Variants in COL25A1 observed in about 807,000 individuals in gnomAD.
The protein encoded by COL25A1 is collagen alpha-1(XXV) chain.
A neutral mutation model predicts 128.4 loss-of-function variants in COL25A1; 103 were observed. That is an observed-to-expected ratio of 0.80 (90% CI 0.68 to 0.94). The LOEUF is 0.94. Ranked by LOEUF, COL25A1 falls within the 40% of genes least tolerant of loss-of-function variation. The probability of loss-of-function intolerance (pLI) is 0.00; values close to 1 mark genes in which losing one functional copy is unlikely to be tolerated. For synonymous variants in COL25A1, 279 were observed against 277.2 expected (o/e 1.01, Z -0.06); for missense variants, 745 against 840.0 (o/e 0.89, Z 1.40).
chr4:108,950,276 A>G (rs1749256313), intron 8 of COL25A1, among the ~76,000 whole-genome samples: 2 of 152,198 alleles, frequency 1.3e-5, no homozygotes, highest in Admixed American at 1.3e-4. Flanking sequence ...AGTCTCTGAG[A>G]GCAAAGAGGG....
At chr4:108,843,833 T>C (rs1734750294) in intron 30 of COL25A1, among the ~76,000 whole-genome samples, 1 of 152,120 alleles carries the variant, frequency 6.6e-6, no homozygotes, top group African/African-American at 2.4e-5. Context: ...GAACATTTCA[T>C]TAAAGAGTTC....
chr4:109,051,423 T>C (rs1051621155), intron 3 of COL25A1, among the ~76,000 whole-genome samples: 2 of 152,148 alleles, frequency 1.3e-5, no homozygotes, highest in African/African-American at 2.4e-5. Flanking sequence ...ATAAGCTTTG[T>C]AGCAAAGTCC....
intron 3 of COL25A1, among the ~76,000 whole-genome samples, chr4:109,239,420 A>ATATATATATATT (rs1553965400): frequency 8.0e-6 from 1 of 124,362 alleles, no homozygotes; most frequent in African/African-American, 2.9e-5. Flanking sequence ...ATATATATAT[A>ATATATATATATT]TATTTATTTA....
At chr4:109,255,098 C>T (rs1032266310) in intron 3 of COL25A1, among the ~76,000 whole-genome samples, 17 of 152,178 alleles carry the variant, frequency 1.1e-4, no homozygotes, top group Non-Finnish European at 2.1e-4. Context: ...ATAAGTATTC[C>T]GTTTGGGTGG....
Position 109,301,841 on chromosome 4 carries a change from T to A in COL25A1, c.179A>T (p.Gln60Leu). 1 of 1,614,216 alleles carries A rather than the reference T, an allele frequency of 6.2e-7. No homozygotes were observed. Among genetic ancestry groups the A allele is most frequent in the Non-Finnish European group, 8.5e-7 (1 of 1,180,040 alleles). ...LYLGVKTNDL[Q>L]ARIAALESAK... ...GGATTCGAGAGCGGCGATCCTCGCC[T>A]GGAGGTCGTTGGTTTTCACACCCAG... The change falls in exon 2 of 38, where the codon CAG becomes CTG. Residue 60 changes from glutamine to leucine, a missense_variant. By Grantham distance (113) the Gln-to-Leu change is moderately radical. Coordinates refer to ENST00000399132, the MANE Select transcript of COL25A1 (RefSeq NM_198721.4).
At chr4:109,107,747 C>T (rs1479592664) in intron 3 of COL25A1, among the ~76,000 whole-genome samples, 1 of 151,804 alleles carries the variant, frequency 6.6e-6, no homozygotes, top group Non-Finnish European at 1.5e-5. Context: ...AATACCAGAA[C>T]TGATAGCCTT....
intron 3 of COL25A1, among the ~76,000 whole-genome samples, chr4:109,089,613 A>T (rs919593535): frequency 4.0e-5 from 6 of 150,336 alleles, no homozygotes; most frequent in Admixed American, 2.0e-4. Flanking sequence ...TTTTAAAAAT[A>T]TTTTTTTTTT....
chr4:109,066,110 C>T (rs1762426842), intron 3 of COL25A1, among the ~76,000 whole-genome samples: 1 of 152,104 alleles, frequency 6.6e-6, no homozygotes, highest in Admixed American at 6.5e-5. Flanking sequence ...AAATAGACTG[C>T]AATCTAGAAT....
chr4:109,040,910 G>A (rs1219169022), intron 5 of COL25A1, among the ~76,000 whole-genome samples: 1 of 151,852 alleles, frequency 6.6e-6, no homozygotes, highest in Non-Finnish European at 1.5e-5. Flanking sequence ...AAGTATCCTG[G>A]GGAGAGAAAG....
At chr4:109,019,474 T>G (rs1757530839) in intron 5 of COL25A1, among the ~76,000 whole-genome samples, 1 of 150,678 alleles carries the variant, frequency 6.6e-6, no homozygotes, top group Non-Finnish European at 1.5e-5. Flanking sequence ...GAAAAAAAGT[T>G]TAATCAGCTC....
chr4:108,814,539 T>G (rs1160697863), intron 37 of COL25A1, among the ~76,000 whole-genome samples: 4 of 149,226 alleles, frequency 2.7e-5, no homozygotes, highest in African/African-American at 1.0e-4. Context: ...GATTTCTGGT[T>G]TCTCACCAGA....
At chr4:109,266,229 T>C (rs1216773604) in intron 3 of COL25A1, among the ~76,000 whole-genome samples, 2 of 152,148 alleles carry the variant, frequency 1.3e-5, no homozygotes, top group Non-Finnish European at 2.9e-5. Flanking sequence ...AGATAATACA[T>C]GAAAAAGATG....
At chr4:109,226,147 A>G (rs1778790942) in intron 3 of COL25A1, among the ~76,000 whole-genome samples, 1 of 152,016 alleles carries the variant, frequency 6.6e-6, no homozygotes, top group Non-Finnish European at 1.5e-5. Flanking sequence ...CAAAAACCAC[A>G]TTTTTCACTT....
chr4:108,940,684 A>G (rs752016758), intron 9 of COL25A1, 38 bp from the exon 10 acceptor site: 12 of 1,343,680 alleles, frequency 8.9e-6, no homozygotes, highest in African/African-American at 1.5e-5. Flanking sequence ...AATAACCATG[A>G]AAGATAAAGA....
chr4:109,213,273 T>A (rs769184738), intron 3 of COL25A1, among the ~76,000 whole-genome samples: 2 of 152,074 alleles, frequency 1.3e-5, no homozygotes, highest in African/African-American at 2.4e-5. Flanking sequence ...ATAAGAAACA[T>A]ATGTGGTAGA....
intron 31 of COL25A1, among the ~76,000 whole-genome samples, chr4:108,840,173 C>A (rs1037574321): frequency 2.1e-5 from 3 of 141,110 alleles, no homozygotes; most frequent in Non-Finnish European, 4.5e-5. Context: ...ACCCAGGAGG[C>A]GGAGGTTGCA....
rs532962193 is a variant in COL25A1 at position 109,254,961 on chromosome 4, G to A, written c.367+45622C>T. Among the ~76,000 whole-genome samples the A allele has an allele frequency of 2.4e-4, 36 of 152,268 alleles. No homozygotes were observed. In the South Asian group the frequency reaches 6.0e-3, roughly 25 times the overall value. On this transcript the variant is annotated intron_variant, in intron 3 of 37. Transcript: ENST00000399132. ...ACCAGGCACTGAGCTAAGTGCTTTC[G>A]CAGAATTGCACTAATGCAAATACAA...
At chr4:108,883,389 GAAC>G (rs140686245) in intron 19 of COL25A1, among the ~76,000 whole-genome samples, 14,917 of 151,932 alleles carry the variant, frequency 0.098, 937 homozygotes, top group Non-Finnish European at 0.14. Flanking sequence ...TGTAAGATGA[GAAC>G]AACAAAAGAA....
intron 19 of COL25A1, among the ~76,000 whole-genome samples, chr4:108,877,848 A>G (rs560517683): frequency 9.7e-4 from 148 of 152,328 alleles, no homozygotes; most frequent in Non-Finnish European, 1.8e-3. Context: ...CAATAATAAA[A>G]TCTTGACTGA....
Sources: gnomAD v4.1 joint callset for allele counts (sites outside exome capture counted in the v4.1 genomes callset) on GRCh38, gnomAD v4.1.1 for gene constraint, MANE v1.5 for transcripts, NCBI Gene and HGNC (gene_info 2026-07-23, HGNC 2026-07-21) for gene names.